The following CWF19L2 variants were observed in gnomAD, a reference collection of about 807,000 sequenced individuals.
CWF19L2 encodes CWF19 like cell cycle control factor 2, also known as CWF19-like protein 2.
A neutral mutation model predicts 111.7 loss-of-function variants in CWF19L2; 98 were observed. That is an observed-to-expected ratio of 0.88 (90% confidence interval 0.75 to 1.04). The LOEUF is 1.04. CWF19L2 is among the 50% of genes least tolerant of loss of function. CWF19L2 has a pLI of 0.00. For missense variants in CWF19L2, 1,101 were observed against 1,051.4 expected (o/e 1.05, Z -0.65); for synonymous variants, 351 against 342.9 (o/e 1.02, Z -0.26).
In CWF19L2 at chr11:107,326,914, T is replaced by A. The variant is rs3758911; in HGVS notation, c.2681A>T (p.Tyr894Phe). 2 of 1,594,452 alleles carry A rather than the reference T, an allele frequency of 1.3e-6. No homozygotes were observed. The highest frequency in any genetic ancestry group is 2.3e-5 in the South Asian group (2 of 87,276). The change falls in exon 18 of 18, where the codon TAT (tyrosine) becomes TTT (phenylalanine). Residue 894 changes from tyrosine (Y) to phenylalanine (F), a missense_variant. Tyr to Phe is a conservative substitution (Grantham distance 22). Transcript: ENST00000282251. ...KPYDFTKSKN[Y>F] ...TTTTAAAATGGAAGGTACACCTCAA[T>A]AGTTTTTACTTTTGGTGAAGTCATA...
intron 12 of CWF19L2, among the ~76,000 whole-genome samples, chr11:107,380,031 A>G (rs1305753300): frequency 8.0e-6 from 1 of 125,498 alleles, no homozygotes; most frequent in Non-Finnish European, 1.6e-5. Flanking sequence ...TGGGCGACAG[A>G]GCGAGACACC....
At chr11:107,380,045 T>TAAAAAAA (rs1750706997) in intron 12 of CWF19L2, among the ~76,000 whole-genome samples, 1 of 5,142 alleles carries the variant, frequency 1.9e-4, no homozygotes, top group Non-Finnish European at 2.9e-4. Flanking sequence ...AGACACCGTC[T>TAAAAAAA]CAAAAAAAAA....
intron 14 of CWF19L2, among the ~76,000 whole-genome samples, chr11:107,341,817 C>T (rs976415680): frequency 2.3e-4 from 35 of 152,042 alleles, no homozygotes; most frequent in Middle Eastern, 3.2e-3. Context: ...TGTGTTGTAA[C>T]AGTTTGCATT....
At chr11:107,333,199 C>G (rs906519335) in intron 16 of CWF19L2, among the ~76,000 whole-genome samples, 5 of 152,002 alleles carry the variant, frequency 3.3e-5, no homozygotes, top group African/African-American at 1.2e-4. Context: ...TTAATAAAGG[C>G]AATTGCTGCT....
rs184048974 is a variant in CWF19L2, at chr11:107,343,511, T to C, written c.2202+5426A>G. ...GGTATTATTACATTTGAAGAGTTCTTGCAGACAGCATATAGTTATGAAATC... is the reference window on the plus strand; with the variant it reads ...GGTATTATTACATTTGAAGAGTTCTCGCAGACAGCATATAGTTATGAAATC... On this transcript the variant is annotated intron_variant, in intron 14 of 17. Transcript: ENST00000282251. Among the ~76,000 whole-genome samples, 268 of 152,298 alleles carry C rather than the reference T, an allele frequency of 1.8e-3. 1 individual carries two copies. Among genetic ancestry groups the C allele is most frequent in the Admixed American group, 3.4e-3 (52 of 15,296 alleles).
At chr11:107,422,139 A>G (rs1345152107) in intron 8 of CWF19L2, among the ~76,000 whole-genome samples, 1 of 152,092 alleles carries the variant, frequency 6.6e-6, no homozygotes, top group Non-Finnish European at 1.5e-5. Flanking sequence ...TCCCATTTAC[A>G]TCGAACTCTA....
rs145309919 is a variant in CWF19L2 at position 107,444,143 on chromosome 11, G to A, written c.340-1094C>T. 1.5e-3 allele frequency among the ~76,000 whole-genome samples: 227 copies of A among 146,896 alleles called. 2 individuals carry two copies. The South Asian group carries it at 0.016, about 10-fold the overall frequency. On this transcript the variant is annotated intron_variant, in intron 3 of 17. Coordinates refer to ENST00000282251, the MANE Select transcript of CWF19L2 (RefSeq NM_152434.3). Reference sequence around the variant, plus strand: ...GGGAAGGGGGACCTTCCTTGACCCCGTATATTCCTCCTCTAGCAGGAATTA... The same window carrying A: ...GGGAAGGGGGACCTTCCTTGACCCCATATATTCCTCCTCTAGCAGGAATTA...
intron 6 of CWF19L2, among the ~76,000 whole-genome samples, chr11:107,434,656 A>G (rs972779466): frequency 7.1e-6 from 1 of 139,866 alleles, no homozygotes; most frequent in Non-Finnish European, 1.5e-5. Flanking sequence ...AAAATATACT[A>G]TTTAATATTA....
intron 12 of CWF19L2, among the ~76,000 whole-genome samples, chr11:107,354,736 C>A (rs758807065): frequency 6.6e-6 from 1 of 152,204 alleles, no homozygotes; most frequent in Non-Finnish European, 1.5e-5. Flanking sequence ...TAAAGAATTA[C>A]AGCACATTTA....
chr11:107,418,331 G>A lies in CWF19L2; in HGVS notation c.1434-44C>T, dbSNP rs375006335. ...TTAACAGCATATGAAATATAGGTGC[G>A]ATGCAAGCAATAACATCAAGACTCA... On this transcript the variant is annotated intron_variant, in intron 8 of 17. Coordinates refer to ENST00000282251, the MANE Select transcript of CWF19L2 (RefSeq NM_152434.3). The A allele has an allele frequency of 6.1e-5, 76 of 1,237,802 alleles. 1 individual carries two copies. In the East Asian group the frequency reaches 1.2e-3, roughly 20 times the overall value. The allele number at this position is 1,237,802 out of a possible 1,614,324, so 76.7% of individuals were successfully genotyped here.
intron 7 of CWF19L2, among the ~76,000 whole-genome samples, chr11:107,431,825 T>A (rs1315803075): frequency 6.6e-6 from 1 of 152,174 alleles, no homozygotes; most frequent in Non-Finnish European, 1.5e-5. Context: ...AAATTTAATG[T>A]ATAACAAATG....
intron 7 of CWF19L2, 36 bp from the exon 8 acceptor site, chr11:107,429,487 T>G (rs1272526159): frequency 6.8e-7 from 1 of 1,471,136 alleles, no homozygotes; most frequent in East Asian, 2.5e-5. Context: ...ATATCTAAAA[T>G]TAGGAACGGC....
At chr11:107,420,750 GTACAAT>G (rs1391253335) in intron 8 of CWF19L2, among the ~76,000 whole-genome samples, 5 of 152,024 alleles carry the variant, frequency 3.3e-5, no homozygotes, top group African/African-American at 2.4e-5. Context: ...TAACAAAATA[GTACAAT>G]TACAACAATA....
chr11:107,378,390 G>A (rs1387251950), intron 12 of CWF19L2, among the ~76,000 whole-genome samples: 51 of 151,562 alleles, frequency 3.4e-4, no homozygotes, highest in African/African-American at 1.1e-3. Context: ...ATGATAGACT[G>A]GATTAAGAAA....
At chr11:107,378,974 C>A (rs1297379509) in intron 12 of CWF19L2, among the ~76,000 whole-genome samples, 9 of 152,082 alleles carry the variant, frequency 5.9e-5, no homozygotes, top group Admixed American at 4.6e-4. Flanking sequence ...TCTCCCTCAT[C>A]TGATGACTAC....
At chr11:107,441,684 T>C (rs1362507681) in intron 4 of CWF19L2, 62 bp from the exon 5 acceptor site, 6 of 1,385,160 alleles carry the variant, frequency 4.3e-6, no homozygotes, top group African/African-American at 3.0e-5. Flanking sequence ...CTGAACTGAT[T>C]AGAATTTAAT....
intron 10 of CWF19L2, among the ~76,000 whole-genome samples, chr11:107,415,646 G>C (rs1374407957): frequency 6.6e-6 from 1 of 152,162 alleles, no homozygotes; most frequent in Non-Finnish European, 1.5e-5. Context: ...GCACAGTCCA[G>C]AATAAAAGCA....
chr11:107,361,752 T>C (rs539155566), intron 12 of CWF19L2, among the ~76,000 whole-genome samples: 9 of 152,356 alleles, frequency 5.9e-5, no homozygotes, highest in African/African-American at 2.2e-4. Flanking sequence ...GGGATTACCT[T>C]GATGACTTCA....
intron 12 of CWF19L2, among the ~76,000 whole-genome samples, chr11:107,387,790 A>T (rs1443166037): frequency 1.3e-5 from 2 of 152,140 alleles, no homozygotes; most frequent in Admixed American, 1.3e-4. Flanking sequence ...GAAGGTGGAG[A>T]TCAGACAATA....
Sources: allele counts gnomAD v4.1 joint callset (sites outside exome capture counted in the v4.1 genomes callset), GRCh38; gene constraint gnomAD v4.1.1; transcripts MANE v1.5; gene names NCBI Gene and HGNC (gene_info 2026-07-23, HGNC 2026-07-21).